Variants in ALG12 observed in about 807,000 individuals in gnomAD.
The protein encoded by ALG12 is ALG12 alpha-1,6-mannosyltransferase, also known as dol-P-Man:Man(7)GlcNAc(2)-PP-Dol alpha-1,6-mannosyltransferase.
In ALG12, 36 loss-of-function variants were observed where a neutral mutation model predicts 46.0. The ratio of observed to expected loss-of-function variants is 0.78; its 90% CI spans 0.60 to 1.03. The LOEUF (loss-of-function observed/expected upper bound fraction) is 1.03. Ranked by LOEUF, ALG12 falls within the 50% of genes least tolerant of loss-of-function variation. ALG12 has a pLI of 0.00. For synonymous variants in ALG12, 326 were observed against 291.6 expected (o/e 1.12, Z -1.20); for missense variants, 599 against 633.5 (o/e 0.95, Z 0.58).
Position 49,903,803 on chromosome 22 carries a change from A to C in ALG12, c.*35T>G. 5.0e-6 allele frequency: 8 copies of C among 1,604,804 alleles called. No individual in the cohort carries two copies. The highest frequency in any genetic ancestry group is 6.8e-6 in the Non-Finnish European group (8 of 1,171,698). On this transcript the variant is annotated 3_prime_UTR_variant, in exon 10 of 10. Transcript: ENST00000330817. Reference sequence around the variant, plus strand: ...AACTGGTAGTGATAACAGCTCCTGGAAGGCCTGTGGCTGCTGAGGGCTGCC... The same window carrying C: ...AACTGGTAGTGATAACAGCTCCTGGCAGGCCTGTGGCTGCTGAGGGCTGCC...
At chr22:49,887,995 C>T in the ALG12 span, 3 of 167,248 alleles carry the variant, frequency 1.8e-5, no homozygotes, top group Non-Finnish European at 4.4e-5. Flanking sequence ...TCTCCACGCT[C>T]TGAAGCTGTC....
the ALG12 span, chr22:49,885,088 G>T: frequency 6.2e-7 from 1 of 1,613,554 alleles, no homozygotes; most frequent in African/African-American, 1.3e-5. Context: ...CCTCAAGGCC[G>T]AGTGTCGGTA....
In ALG12 at chr22:49,903,520, G is replaced by A. The variant is rs920173762; in HGVS notation, c.*318C>T. 62 of 539,122 alleles carry A rather than the reference G, an allele frequency of 1.2e-4. No individual in the cohort carries two copies. The highest frequency in any genetic ancestry group is 1.1e-3 in the Admixed American group (48 of 44,804). The allele number at this position is 539,122 out of a possible 1,614,324, so 33.4% of individuals were successfully genotyped here. A position where few individuals can be genotyped will look rare whatever the true frequency, so the allele number is the denominator to read the frequency against. On this transcript the variant is annotated 3_prime_UTR_variant, in exon 10 of 10. Coordinates refer to ENST00000330817, the MANE Select transcript of ALG12 (RefSeq NM_024105.4). Reference sequence around the variant, plus strand: ...GGCAGACAGGTGCCTGGGTGAGCCCGCTGCTCCTGATTAGTCATGAATGGC... The same window carrying A: ...GGCAGACAGGTGCCTGGGTGAGCCCACTGCTCCTGATTAGTCATGAATGGC...
In ALG12 at chr22:49,902,982, CGT is replaced by C. The variant is rs1196105455; in HGVS notation, c.*854_*855del. Reference sequence around the variant, plus strand: ...TGTGCACGTGTGCACTGTGTGCATGCGTGTGTGGTGTGTGTGCATGTATGCAT... The same window carrying C: ...TGTGCACGTGTGCACTGTGTGCATGCGTGTGGTGTGTGTGCATGTATGCAT... On this transcript the variant is annotated 3_prime_UTR_variant, in exon 10 of 10. Coordinates refer to ENST00000330817, the MANE Select transcript of ALG12 (RefSeq NM_024105.4). 6.1e-5 allele frequency: 20 copies of C among 328,068 alleles called. No individual in the cohort carries two copies. Among genetic ancestry groups the C allele is most frequent in the South Asian group, 4.2e-4 (18 of 43,268 alleles). 20.3% of individuals were successfully genotyped at this position (328,068 alleles called of 1,614,324 possible). A position where few individuals can be genotyped will look rare whatever the true frequency, so the allele number is the denominator to read the frequency against.
Position 49,901,764 on chromosome 22 carries a change from TGGTAATGTG to T in ALG12, c.*2065_*2073del. 1 of 140,812 alleles carries T rather than the reference TGGTAATGTG, an allele frequency of 7.1e-6. No individual in the cohort carries two copies. Among genetic ancestry groups the T allele is most frequent in the Non-Finnish European group, 1.5e-5 (1 of 65,390 alleles). 8.7% of individuals were successfully genotyped at this position (140,812 alleles called of 1,614,324 possible). A position where few individuals can be genotyped will look rare whatever the true frequency, so the allele number is the denominator to read the frequency against. The stretch of plus-strand genomic sequence containing the variant: ...GCATTGTGCATGCGTGGTGTATGCA[TGGTAATGTG>T]CACGTGTGCACTGTGTGTGGTATGT... On this transcript the variant is annotated 3_prime_UTR_variant, in exon 10 of 10. Coordinates refer to ENST00000330817, the MANE Select transcript of ALG12 (RefSeq NM_024105.4).
chr22:49,868,953 A>G, the ALG12 span, among the ~76,000 whole-genome samples: 1 of 61,984 alleles, frequency 1.6e-5, no homozygotes, highest in Non-Finnish European at 3.1e-5. Flanking sequence ...CTCTACTAAA[A>G]ATACAAAAAA....
At chr22:49,894,224 G>T in the ALG12 span, among the ~76,000 whole-genome samples, 1 of 152,092 alleles carries the variant, frequency 6.6e-6, no homozygotes, top group African/African-American at 2.4e-5. Context: ...ACCGCTAAAA[G>T]CAATAAACAT....
At chr22:49,866,923 CAGG>C in the ALG12 span, among the ~76,000 whole-genome samples, 1 of 152,204 alleles carries the variant, frequency 6.6e-6, no homozygotes, top group South Asian at 2.1e-4. Flanking sequence ...CTTGCGCCTT[CAGG>C]AGGTCACCTG....
rs1275016834 is a variant in ALG12, at chr22:49,904,423, G to A, written c.1076C>T (p.Ser359Leu). 1.2e-6 allele frequency: 2 copies of A among 1,614,086 alleles called. No homozygotes were observed. Among genetic ancestry groups the A allele is most frequent in the Non-Finnish European group, 1.7e-6 (2 of 1,180,050 alleles). Residue 359 changes from serine to leucine, a missense_variant, in exon 8 of 10, where the codon TCA becomes TTA. Transcript: ENST00000330817. ...IGHLVVNAAY[S>L]ATALYVSHFN... ...ATGGGACACATACAGGGCCGTGGCT[G>A]AGTAGGCGGCATTCACCACGAGGTG...
At chr22:49,860,708 T>C in the ALG12 span, among the ~76,000 whole-genome samples, 67 of 152,268 alleles carry the variant, frequency 4.4e-4, no homozygotes, top group East Asian at 0.013. Context: ...ATGTACAAAA[T>C]AATTACCTGT....
At chr22:49,886,989 G>A in the ALG12 span, 101 of 1,613,986 alleles carry the variant, frequency 6.3e-5, no homozygotes, top group South Asian at 1.1e-4. This position sits in a 1 kb window ranked among gnomAD's most constrained non-coding sequence, Gnocchi z 7.7. Flanking sequence ...TGAAGAAGGC[G>A]TCCTGGCCGG....
chr22:49,870,322 A>G, the ALG12 span, among the ~76,000 whole-genome samples: 3 of 152,082 alleles, frequency 2.0e-5, no homozygotes, highest in East Asian at 3.9e-4. Context: ...AGAATGATTT[A>G]TTTCTTTGGG....
chr22:49,867,082 AT>A, the ALG12 span, among the ~76,000 whole-genome samples: 1 of 152,280 alleles, frequency 6.6e-6, no homozygotes, highest in South Asian at 2.1e-4. Flanking sequence ...GCTGCATCTC[AT>A]CCATTTGGTG....
In ALG12 at chr22:49,905,288, G is replaced by A. The variant is rs901956713; in HGVS notation, c.993-782C>T. On this transcript the variant is annotated intron_variant, in intron 7 of 9. Coordinates refer to ENST00000330817, the MANE Select transcript of ALG12 (RefSeq NM_024105.4). The surrounding 1 kb of genome is among the most constrained non-coding windows in gnomAD (Gnocchi z 4.9). ...AAAGCTTGCCAACCCTGGTCTAAAC[G>A]CCCTGAACCCCCGATCAAGACTCAC... is the stretch of plus-strand genomic sequence containing the variant. Among the ~76,000 whole-genome samples, 5 of 152,124 alleles carry A rather than the reference G, an allele frequency of 3.3e-5. No individual in the cohort carries two copies. Among genetic ancestry groups the A allele is most frequent in the East Asian group, 1.9e-4 (1 of 5,188 alleles).
chr22:49,884,147 G>A, the ALG12 span: 2 of 1,613,786 alleles, frequency 1.2e-6, no homozygotes, highest in Non-Finnish European at 1.7e-6. Context: ...AGGCACGTGA[G>A]GCGCGCACAC....
chr22:49,907,969 C>G (rs755367123), intron 6 of ALG12, 25 bp from the exon 7 acceptor site: 1 of 1,606,628 alleles, frequency 6.2e-7, no homozygotes, highest in South Asian at 1.1e-5. Context: ...AAGGAGGCCA[C>G]GCACCTGTCC....
the ALG12 span, among the ~76,000 whole-genome samples, chr22:49,861,766 A>G: frequency 9.2e-5 from 14 of 152,152 alleles, no homozygotes; most frequent in African/African-American, 3.4e-4. Context: ...TGCTCAGCAC[A>G]TGTATGAATG....
At chr22:49,879,546 T>TATGTCCG in the ALG12 span, among the ~76,000 whole-genome samples, 29 of 151,022 alleles carry the variant, frequency 1.9e-4, no homozygotes, top group African/African-American at 6.5e-4. Flanking sequence ...TTATTTGTCT[T>TATGTCCG]ATGTCCGGGC....
At chr22:49,888,511 A>G in the ALG12 span, 4 of 167,254 alleles carry the variant, frequency 2.4e-5, no homozygotes, top group African/African-American at 7.2e-5. Flanking sequence ...GTGGTCCATT[A>G]TCTAGAGCCC....
Sources: allele counts gnomAD v4.1 joint callset (sites outside exome capture counted in the v4.1 genomes callset), GRCh38; gene constraint gnomAD v4.1.1; non-coding constraint Gnocchi (gnomAD v3.1); transcripts MANE v1.5; gene names NCBI Gene and HGNC (gene_info 2026-07-23, HGNC 2026-07-21).